MALRD1: variants seen among roughly 807,000 people sequenced by gnomAD.
MALRD1 encodes the protein MAM and LDL receptor class A domain containing 1.
Under a neutral mutation model 242.1 loss-of-function variants are expected in MALRD1, and 247 were observed. That is an observed-to-expected ratio of 1.02 (90% CI 0.92 to 1.13). The LOEUF (loss-of-function observed/expected upper bound fraction) is 1.13, where lower values mean the gene tolerates loss of function less well. MALRD1 is among the 50% of genes most tolerant of loss of function. MALRD1 has a pLI of 0.00. For missense variants in MALRD1, 2,989 were observed against 2,533.1 expected (o/e 1.18, Z -3.86); for synonymous variants, 995 against 866.6 (o/e 1.15, Z -2.60).
At chr10:19,412,380 A>G (rs1238481549) in intron 28 of MALRD1, among the ~76,000 whole-genome samples, 9 of 152,200 alleles carry the variant, frequency 5.9e-5, no homozygotes, top group East Asian at 1.9e-4. Context: ...TACTTAATCA[A>G]TTGAAGGGGT....
Position 19,257,753 on chromosome 10 carries a change from G to A in MALRD1, c.3061G>A (p.Asp1021Asn). Residue 1021 changes from aspartate (D) to asparagine (N), a missense_variant, in exon 19 of 40, where the codon GAC becomes AAC. Transcript: ENST00000454679. ...TGCGATTGATGATCTGTCATTTATG[G>A]ACTGCACCCTCTACCCTGGTAAGAG... The part of the protein sequence containing the change: ...DIAIDDLSFM[D>N]CTLYPGNLPA... 6.5e-7 allele frequency: 1 copy of A among 1,537,910 alleles called. No homozygotes were observed. The highest frequency in any genetic ancestry group is 8.8e-7 in the Non-Finnish European group (1 of 1,139,458).
intron 33 of MALRD1, among the ~76,000 whole-genome samples, chr10:19,585,358 T>C (rs1171931347): frequency 2.0e-5 from 3 of 152,202 alleles, no homozygotes; most frequent in Admixed American, 6.5e-5. Context: ...TTGCAGTGGC[T>C]GGTACCGGTT....
chr10:19,692,183 G>A (rs1400644901), intron 36 of MALRD1, 99 bp from the exon 37 acceptor site: 24 of 933,930 alleles, frequency 2.6e-5, no homozygotes, highest in South Asian at 4.1e-5. Flanking sequence ...CTAGTATCTC[G>A]TTATTTATTG....
rs941749904 is a variant in MALRD1, at chr10:19,193,839, A to AT, written c.1952-9889_1952-9888insT. 1.8e-4 allele frequency among the ~76,000 whole-genome samples: 24 copies of AT among 134,416 alleles called. 1 individual carries two copies. The highest frequency in any genetic ancestry group is 6.8e-4 in the African/African-American group (24 of 35,416). The allele number at this position is 134,416 out of a possible 152,430, so 88.2% of individuals were successfully genotyped here. A position where few individuals can be genotyped will look rare whatever the true frequency, so the allele number is the denominator to read the frequency against. On this transcript the variant is annotated intron_variant, in intron 14 of 39. Transcript: ENST00000454679. ...ATCATTAGCTTAGTCTGGGGGAAAAAAAATATATATATATATACACACACA... is the reference window on the plus strand; with the variant it reads ...ATCATTAGCTTAGTCTGGGGGAAAAATAAATATATATATATATACACACACA...
At chr10:19,591,603 A>G (rs1030463983) in intron 33 of MALRD1, among the ~76,000 whole-genome samples, 4 of 149,670 alleles carry the variant, frequency 2.7e-5, no homozygotes, top group Admixed American at 2.0e-4. Context: ...GGTTCAAGCG[A>G]TAATCTTGCC....
At chr10:19,296,500 A>C (rs1005099122) in intron 21 of MALRD1, among the ~76,000 whole-genome samples, 10 of 152,090 alleles carry the variant, frequency 6.6e-5, no homozygotes, top group African/African-American at 2.2e-4. Flanking sequence ...GGAATGATAA[A>C]TTATTCTTAA....
chr10:19,296,422 G>C (rs1841705548), intron 21 of MALRD1, among the ~76,000 whole-genome samples: 1 of 151,966 alleles, frequency 6.6e-6, no homozygotes, highest in African/African-American at 2.4e-5. Context: ...GGAGCAAGCA[G>C]GCTTTGGCAT....
chr10:19,691,780 AT>A (rs1374399554), intron 36 of MALRD1, among the ~76,000 whole-genome samples: 1 of 152,162 alleles, frequency 6.6e-6, no homozygotes, highest in African/African-American at 2.4e-5. Context: ...AAATGAGATT[AT>A]TAACCTGTTT....
chr10:19,696,646 A>G (rs894327224), intron 38 of MALRD1, among the ~76,000 whole-genome samples: 1 of 152,014 alleles, frequency 6.6e-6, no homozygotes, highest in African/African-American at 2.4e-5. Flanking sequence ...GTGGCTCATA[A>G]CTGTAATCCC....
At chr10:19,509,056 A>G (rs1034577542) in intron 31 of MALRD1, among the ~76,000 whole-genome samples, 1 of 152,322 alleles carries the variant, frequency 6.6e-6, no homozygotes, top group South Asian at 2.1e-4. Flanking sequence ...AAGTGGTATA[A>G]TTTTAACAAT....
chr10:19,056,550 T>C (rs1834674834), intron 1 of MALRD1, among the ~76,000 whole-genome samples: 1 of 152,168 alleles, frequency 6.6e-6, no homozygotes, highest in Non-Finnish European at 1.5e-5. Context: ...TCCTTCAATG[T>C]TACTGAATTT....
chr10:19,566,214 C>T (rs1836240265), intron 32 of MALRD1, among the ~76,000 whole-genome samples: 1 of 151,948 alleles, frequency 6.6e-6, no homozygotes. Flanking sequence ...CTGCAAACTC[C>T]ACTTCCCGGG....
rs185749799 is a variant in MALRD1 at position 19,728,777 on chromosome 10, A to C, written c.6315-1929A>C. ...GTATTTTGATGCATTTCAAAACTAC[A>C]CTTCACTCCCTACCCAATCTCAACT... On this transcript the variant is annotated intron_variant, in intron 38 of 39. Coordinates refer to ENST00000454679, the MANE Select transcript of MALRD1 (RefSeq NM_001142308.3). Among the ~76,000 whole-genome samples, 513 of 152,248 alleles carry C rather than the reference A, an allele frequency of 3.4e-3. 2 individuals carry two copies. Among genetic ancestry groups the C allele is most frequent in the African/African-American group, 0.012 (490 of 41,544 alleles).
Position 19,692,336 on chromosome 10 carries a change from T to A in MALRD1, c.6192T>A (p.Ala2064=), listed in dbSNP as rs1833110927. The A allele has an allele frequency of 7.8e-6, 12 of 1,535,430 alleles. No homozygotes were observed. The South Asian group carries it at 1.2e-4, about 15-fold the overall frequency. Residue 2064 remains alanine, a synonymous_variant, in exon 37 of 40, where the codon GCT becomes GCA. Transcript: ENST00000454679. The part of the protein sequence containing the change: ...NRCHIKFNPP[A]TDFTYAQNNT... The stretch of plus-strand genomic sequence containing the variant: ...GCCATATCAAGTTTAATCCTCCTGC[T>A]ACAGACTTCACATACGCTCAGAATA...
At chr10:19,493,536 G>A (rs942256242) in intron 30 of MALRD1, among the ~76,000 whole-genome samples, 4 of 151,700 alleles carry the variant, frequency 2.6e-5, no homozygotes, top group African/African-American at 7.3e-5. Flanking sequence ...CCGGCCAGGC[G>A]CAGTGGCTCA....
intron 33 of MALRD1, among the ~76,000 whole-genome samples, chr10:19,586,772 C>G (rs1416044575): frequency 6.6e-6 from 1 of 152,262 alleles, no homozygotes; most frequent in Non-Finnish European, 1.5e-5. Flanking sequence ...AGCTTCCTGG[C>G]TGCTTTGTTT....
chr10:19,572,393 T>C (rs991017326), intron 33 of MALRD1, among the ~76,000 whole-genome samples: 1 of 152,196 alleles, frequency 6.6e-6, no homozygotes. Context: ...GTTAGGACAT[T>C]GATACTTTTA....
At chr10:19,502,971 G>A (rs932641862) in intron 31 of MALRD1, among the ~76,000 whole-genome samples, 1 of 152,048 alleles carries the variant, frequency 6.6e-6, no homozygotes. Context: ...TAGAGCTTGT[G>A]TATGTTCATC....
At chr10:19,119,142 A>G (rs1261303410) in intron 5 of MALRD1, among the ~76,000 whole-genome samples, 1 of 152,138 alleles carries the variant, frequency 6.6e-6, no homozygotes, top group Non-Finnish European at 1.5e-5. Flanking sequence ...TTGGTGAGAG[A>G]GAGAGAAAGA....
Sources: gnomAD v4.1 joint callset for allele counts (sites outside exome capture counted in the v4.1 genomes callset) on GRCh38, gnomAD v4.1.1 for gene constraint, MANE v1.5 for transcripts, NCBI Gene and HGNC (gene_info 2026-07-23, HGNC 2026-07-21) for gene names.